The following NTRK2 variants were observed in gnomAD, a reference collection of about 807,000 sequenced individuals.
NTRK2 encodes the protein BDNF/NT-3 growth factors receptor.
Under a neutral mutation model 94.5 loss-of-function variants are expected in NTRK2, and 13 were observed. The ratio of observed to expected loss-of-function variants is 0.14; its 90% CI spans 0.09 to 0.22. The LOEUF is 0.22. Among genes scored for constraint, NTRK2 ranks in the 10% least tolerant of loss-of-function variants. The pLI, the probability that NTRK2 is intolerant of heterozygous loss-of-function variation, is 1.00. For missense variants in NTRK2, 639 were observed against 1,071.2 expected (o/e 0.60, Z 5.63); for synonymous variants, 372 against 407.4 (o/e 0.91, Z 1.05).
At chr9:84,814,677 T>C (rs1353236195) in intron 12 of NTRK2, 4 of 1,064,988 alleles carry the variant, frequency 3.8e-6, no homozygotes, top group Non-Finnish European at 4.5e-6. Flanking sequence ...TCTGATTCCT[T>C]CACACTACAC....
At chr9:84,830,267 A>G (rs1476137479) in intron 12 of NTRK2, among the ~76,000 whole-genome samples, 1 of 152,082 alleles carries the variant, frequency 6.6e-6, no homozygotes, top group African/African-American at 2.4e-5. Context: ...GTTTACCCTC[A>G]CGTTCTTGTA....
At chr9:84,993,360 AG>A (rs1232521144) in intron 17 of NTRK2, among the ~76,000 whole-genome samples, 1 of 152,184 alleles carries the variant, frequency 6.6e-6, no homozygotes, top group Non-Finnish European at 1.5e-5. Context: ...CTCTCCCAAT[AG>A]CCTCTTTCCT....
At chr9:84,701,271 C>T (rs2060701687) in intron 2 of NTRK2, among the ~76,000 whole-genome samples, 1 of 152,226 alleles carries the variant, frequency 6.6e-6, no homozygotes, top group South Asian at 2.1e-4. Flanking sequence ...CTGCTTCTTT[C>T]TGTGGACTGA....
intron 2 of NTRK2, among the ~76,000 whole-genome samples, chr9:84,676,260 G>A (rs529208172): frequency 6.6e-5 from 10 of 152,268 alleles, no homozygotes; most frequent in Non-Finnish European, 1.3e-4. Context: ...CCTCGGTCAC[G>A]GAGATAAGGA....
chr9:84,870,351 A>G (rs1362832195), intron 14 of NTRK2, among the ~76,000 whole-genome samples: 37 of 123,750 alleles, frequency 3.0e-4, no homozygotes, highest in African/African-American at 8.9e-4. Flanking sequence ...ATATATATAT[A>G]TATATATATA....
chr9:84,741,915 G>T lies in NTRK2; in HGVS notation c.1183G>T (p.Val395Leu). The change falls in exon 10 of 19, where the codon GTA becomes TTA. Residue 395 changes from valine to leucine, a missense_variant. Val to Leu is a conservative substitution (Grantham distance 32). This residue lies in a region of NTRK2 where 343 missense variants were observed against 571.5 expected (regional missense o/e 0.60). Coordinates refer to ENST00000277120, the MANE Select transcript of NTRK2 (RefSeq NM_006180.6). ...AGGTGCAAACCCAAATTATCCTGAT[G>T]TAATTTATGAAGGTAGCTATCGTGT... Reference protein sequence around the residue: ...DDGANPNYPDVIYEDYGTAAN... With the variant: ...DDGANPNYPDLIYEDYGTAAN... 1 of 1,612,546 alleles carries T rather than the reference G, an allele frequency of 6.2e-7. No individual in the cohort carries two copies.
chr9:85,006,697 G>C (rs7857957), intron 17 of NTRK2, among the ~76,000 whole-genome samples: 110,863 of 151,920 alleles, frequency 0.73, 41,087 homozygotes, highest in African/African-American at 0.82. Context: ...GGTCACTTTG[G>C]CTCATTCATC....
chr9:84,707,800 TG>T, intron 4 of NTRK2, 43 bp from the exon 5 acceptor site: 1 of 1,442,284 alleles, frequency 6.9e-7, no homozygotes, highest in Non-Finnish European at 9.8e-7. Context: ...GTTCCTAAAA[TG>T]TAACATTTTA....
At chr9:84,849,038 A>G (rs1297240407) in intron 12 of NTRK2, among the ~76,000 whole-genome samples, 2 of 152,196 alleles carry the variant, frequency 1.3e-5, no homozygotes, top group East Asian at 3.8e-4. Context: ...AGGCATACAT[A>G]TTGGAGTCTT....
At chr9:84,874,252 C>T (rs199738587) in intron 14 of NTRK2, 97 of 1,065,386 alleles carry the variant, frequency 9.1e-5, no homozygotes, top group Non-Finnish European at 1.1e-4. Flanking sequence ...CTCCTGCTAC[C>T]CAGGTGCTTT....
At chr9:84,749,434 T>C (rs751242495) in intron 11 of NTRK2, among the ~76,000 whole-genome samples, 2 of 152,328 alleles carry the variant, frequency 1.3e-5, no homozygotes, top group Admixed American at 6.5e-5. Flanking sequence ...ATTAGCCATA[T>C]GTTTTTATTT....
chr9:84,966,274 A>G (rs1359715059), intron 17 of NTRK2, among the ~76,000 whole-genome samples: 1 of 152,194 alleles, frequency 6.6e-6, no homozygotes, highest in African/African-American at 2.4e-5. Flanking sequence ...ACACATCTGA[A>G]TACCCCAGAG....
chr9:84,828,057 C>T (rs2073299498), intron 12 of NTRK2, among the ~76,000 whole-genome samples: 1 of 152,184 alleles, frequency 6.6e-6, no homozygotes, highest in South Asian at 2.1e-4. Flanking sequence ...GTTGCATTGA[C>T]TCCCAACCTT....
intron 11 of NTRK2, among the ~76,000 whole-genome samples, chr9:84,748,402 A>C (rs998080253): frequency 4.6e-5 from 7 of 152,264 alleles, no homozygotes; most frequent in Non-Finnish European, 1.0e-4. Context: ...AGTAGAGCCC[A>C]CTTCCCATTT....
intron 17 of NTRK2, among the ~76,000 whole-genome samples, chr9:85,008,327 T>G (rs4877898): frequency 0.72 from 109,603 of 151,746 alleles, 40,093 homozygotes; most frequent in Middle Eastern, 0.79. Context: ...TCCCCACAGC[T>G]CACACAGCAC....
intron 17 of NTRK2, among the ~76,000 whole-genome samples, chr9:85,013,587 T>C (rs1013861617): frequency 6.6e-6 from 1 of 152,192 alleles, no homozygotes; most frequent in Non-Finnish European, 1.5e-5. Flanking sequence ...ACCCTGTTTT[T>C]AACCTCCTTT....
chr9:84,697,060 C>T (rs1198577370), intron 2 of NTRK2, among the ~76,000 whole-genome samples: 1 of 152,154 alleles, frequency 6.6e-6, no homozygotes, highest in East Asian at 1.9e-4. Context: ...GGTTGAGGGC[C>T]AGGGACCCTG....
chr9:84,720,914 A>T (rs2062017222), intron 6 of NTRK2, among the ~76,000 whole-genome samples: 1 of 152,212 alleles, frequency 6.6e-6, no homozygotes, highest in African/African-American at 2.4e-5. Flanking sequence ...AATAGAGCAA[A>T]TAAATGAAAA....
chr9:84,934,955 AT>A (rs2078166001), intron 15 of NTRK2, among the ~76,000 whole-genome samples: 1 of 152,188 alleles, frequency 6.6e-6, no homozygotes, highest in African/African-American at 2.4e-5. Context: ...GATAATCATT[AT>A]GATTGAAGGG....
Sources: gnomAD v4.1 joint callset for allele counts (sites outside exome capture counted in the v4.1 genomes callset) on GRCh38, gnomAD v4.1.1 for gene constraint, gnomAD v4.1.1 regional missense constraint, MANE v1.5 for transcripts, NCBI Gene and HGNC (gene_info 2026-07-23, HGNC 2026-07-21) for gene names.